The following PPP3R1 variants were observed in gnomAD, a reference collection of about 807,000 sequenced individuals.
The protein encoded by PPP3R1 is protein phosphatase 3 regulatory subunit B, alpha.
Under a neutral mutation model 22.6 loss-of-function variants are expected in PPP3R1, and 5 were observed. That is an observed-to-expected ratio of 0.22 (90% CI 0.12 to 0.46). The LOEUF (loss-of-function observed/expected upper bound fraction) is 0.46. PPP3R1 is among the 20% of genes least tolerant of loss of function. The pLI is 0.99. For synonymous variants in PPP3R1, 56 were observed against 65.2 expected (o/e 0.86, Z 0.68); for missense variants, 61 against 203.2 (o/e 0.30, Z 4.25).
chr2:68,181,876 C>A (rs975778748), intron 5 of PPP3R1, among the ~76,000 whole-genome samples: 1 of 152,182 alleles, frequency 6.6e-6, no homozygotes, highest in African/African-American at 2.4e-5. Context: ...TAGTCATACA[C>A]ATCTCAGTGA....
chr2:68,213,513 A>G (rs1669521880), intron 2 of PPP3R1, among the ~76,000 whole-genome samples: 1 of 152,178 alleles, frequency 6.6e-6, no homozygotes, highest in Non-Finnish European at 1.5e-5. Context: ...AAATGATTAC[A>G]ATAGTAACAT....
chr2:68,188,446 T>TA lies in PPP3R1; in HGVS notation c.220+67dup, dbSNP rs1287644371. 3.1e-5 allele frequency: 37 copies of TA among 1,193,362 alleles called. No homozygotes were observed. In the East Asian group the frequency reaches 6.7e-4, roughly 22 times the overall value. The allele number at this position is 1,193,362 out of a possible 1,614,324, so 73.9% of individuals were successfully genotyped here. A position where few individuals can be genotyped will look rare whatever the true frequency, so the allele number is the denominator to read the frequency against. ...AATATAAGCACTTTTTTTTTTTTTT[T>TA]ACACAGAGCTGTAAGAATACAAATA... On this transcript the variant is annotated intron_variant, in intron 3 of 5. Coordinates refer to ENST00000234310, the MANE Select transcript of PPP3R1 (RefSeq NM_000945.4).
intron 1 of PPP3R1, among the ~76,000 whole-genome samples, chr2:68,249,083 T>C (rs973984830): frequency 6.6e-6 from 1 of 152,222 alleles, no homozygotes; most frequent in South Asian, 2.1e-4. Context: ...AATATCCTCC[T>C]GGCCCAAGGT....
intron 1 of PPP3R1, among the ~76,000 whole-genome samples, chr2:68,231,143 A>ATG (rs1265929236): frequency 6.6e-6 from 1 of 151,774 alleles, no homozygotes; most frequent in Admixed American, 6.6e-5. Flanking sequence ...TTATAGACTC[A>ATG]TGGTTCCCTG....
At chr2:68,241,061 G>A (rs1670118801) in intron 1 of PPP3R1, among the ~76,000 whole-genome samples, 2 of 152,134 alleles carry the variant, frequency 1.3e-5, no homozygotes, top group South Asian at 4.1e-4. Context: ...ATACCTATGG[G>A]ATCTCTAGAC....
At chr2:68,204,353 G>GATATATATATATTCTGATATATATAT (rs1491437318) in intron 2 of PPP3R1, among the ~76,000 whole-genome samples, 1 of 148,344 alleles carries the variant, frequency 6.7e-6, no homozygotes, top group African/African-American at 2.5e-5. Context: ...TATATATTCT[G>GATATATATATATTCTGATATATATAT]ATATATATAT....
At chr2:68,213,021 C>A (rs1163669600) in intron 2 of PPP3R1, among the ~76,000 whole-genome samples, 1 of 152,230 alleles carries the variant, frequency 6.6e-6, no homozygotes, top group South Asian at 2.1e-4. Flanking sequence ...CAGAGAATTG[C>A]TCTGCACTAG....
chr2:68,244,167 T>C (rs1376490238), intron 1 of PPP3R1, among the ~76,000 whole-genome samples: 3 of 152,190 alleles, frequency 2.0e-5, no homozygotes, highest in Non-Finnish European at 4.4e-5. Flanking sequence ...CCTATGTAAA[T>C]TGATCAGAAG....
At chr2:68,207,014 G>A (rs917577383) in intron 2 of PPP3R1, among the ~76,000 whole-genome samples, 1 of 151,342 alleles carries the variant, frequency 6.6e-6, no homozygotes, top group African/African-American at 2.4e-5. Context: ...ATAGTGAAGT[G>A]TGTCAAGGAC....
At position 68,179,654 on chromosome 2, in the gene PPP3R1, A is replaced by G. The variant is rs1483466415; in HGVS notation, c.*1309T>C. On this transcript the variant is annotated 3_prime_UTR_variant, in exon 6 of 6. Coordinates refer to ENST00000234310, the MANE Select transcript of PPP3R1 (RefSeq NM_000945.4). Reference sequence around the variant, plus strand: ...AGTACCTTTGCAGAAATGGGAAGGGATAAGATCAAACAGTAGAACATGATA... The same window carrying G: ...AGTACCTTTGCAGAAATGGGAAGGGGTAAGATCAAACAGTAGAACATGATA... 1 of 152,240 alleles carries G rather than the reference A, an allele frequency of 6.6e-6. No individual in the cohort carries two copies. Among genetic ancestry groups the G allele is most frequent in the Non-Finnish European group, 1.5e-5 (1 of 68,042 alleles). 9.4% of individuals were successfully genotyped at this position (152,240 alleles called of 1,614,324 possible). A position where few individuals can be genotyped will look rare whatever the true frequency, so the allele number is the denominator to read the frequency against.
At chr2:68,245,162 G>C (rs973940673) in intron 1 of PPP3R1, among the ~76,000 whole-genome samples, 2 of 152,118 alleles carry the variant, frequency 1.3e-5, no homozygotes, top group African/African-American at 4.8e-5. Flanking sequence ...CTTGAGCTCA[G>C]GAGTTTGAGA....
chr2:68,200,005 T>A (rs937505927), intron 2 of PPP3R1, among the ~76,000 whole-genome samples: 1 of 152,202 alleles, frequency 6.6e-6, no homozygotes, highest in Admixed American at 6.5e-5. Flanking sequence ...TTAAATTTGA[T>A]AGAATTTACC....
chr2:68,181,930 G>A (rs1674413921), intron 5 of PPP3R1, among the ~76,000 whole-genome samples: 1 of 151,934 alleles, frequency 6.6e-6, no homozygotes, highest in Admixed American at 6.6e-5. Context: ...GTATCATTTG[G>A]GGGGAATGTT....
At chr2:68,232,882 T>TA (rs1224366227) in intron 1 of PPP3R1, among the ~76,000 whole-genome samples, 1 of 152,096 alleles carries the variant, frequency 6.6e-6, no homozygotes, top group African/African-American at 2.4e-5. Context: ...GCTGGGATTA[T>TA]AGGCTTGAGC....
At chr2:68,181,208 G>A (rs532518229) in intron 5 of PPP3R1, among the ~76,000 whole-genome samples, 198 bp from the exon 6 acceptor site, 134 of 152,116 alleles carry the variant, frequency 8.8e-4, no homozygotes, top group African/African-American at 3.1e-3. Context: ...GCTAACACAC[G>A]GTGAAACCTT....
rs553214918 is a variant in PPP3R1 at position 68,180,907 on chromosome 2, G to C, written c.*56C>G. Reference sequence around the variant, plus strand: ...AGAGCATTGCTGGACGTCTTGAGCAGATCTTCAGAGATGGAGAAGAAAGCA... The same window carrying C: ...AGAGCATTGCTGGACGTCTTGAGCACATCTTCAGAGATGGAGAAGAAAGCA... On this transcript the variant is annotated 3_prime_UTR_variant, in exon 6 of 6. Transcript: ENST00000234310. 2.6e-6 allele frequency: 4 copies of C among 1,511,066 alleles called. No homozygotes were observed. In the East Asian group the frequency reaches 6.8e-5, roughly 26 times the overall value. The allele number at this position is 1,511,066 out of a possible 1,614,324, so 93.6% of individuals were successfully genotyped here.
At chr2:68,240,274 T>C (rs1049101375) in intron 1 of PPP3R1, among the ~76,000 whole-genome samples, 4 of 152,192 alleles carry the variant, frequency 2.6e-5, no homozygotes, top group Admixed American at 2.0e-4. Flanking sequence ...ACTTCTGTCT[T>C]ATACTTCACT....
chr2:68,215,380 G>T (rs889722472), intron 2 of PPP3R1, among the ~76,000 whole-genome samples: 2 of 152,028 alleles, frequency 1.3e-5, no homozygotes, highest in African/African-American at 4.8e-5. Flanking sequence ...TTGGATAAGG[G>T]ATACTCAACC....
chr2:68,229,631 A>C (rs1362695127), intron 1 of PPP3R1, among the ~76,000 whole-genome samples: 1 of 152,162 alleles, frequency 6.6e-6, no homozygotes, highest in Non-Finnish European at 1.5e-5. Context: ...CCCTTTTATC[A>C]TATAATGCCT....
Sources: gnomAD v4.1 joint callset for allele counts (sites outside exome capture counted in the v4.1 genomes callset) on GRCh38, gnomAD v4.1.1 for gene constraint, MANE v1.5 for transcripts, NCBI Gene and HGNC (gene_info 2026-07-23, HGNC 2026-07-21) for gene names.